The following GULP1 variants were observed in gnomAD, a reference collection of about 807,000 sequenced individuals.
GULP1 encodes PTB domain-containing engulfment adapter protein 1.
Under a neutral mutation model 40.9 loss-of-function variants are expected in GULP1, and 19 were observed. That is an observed-to-expected ratio of 0.46 (90% confidence interval 0.32 to 0.68). GULP1 has a LOEUF of 0.68. Ranked by LOEUF, GULP1 falls within the 30% of genes least tolerant of loss-of-function variation. GULP1 has a pLI of 0.03. For missense variants in GULP1, 312 were observed against 362.2 expected (o/e 0.86, Z 1.12); for synonymous variants, 119 against 117.6 (o/e 1.01, Z -0.08).
intron 1 of GULP1, among the ~76,000 whole-genome samples, chr2:188,352,401 A>G (rs1293077069): frequency 6.6e-6 from 1 of 152,052 alleles, no homozygotes; most frequent in Non-Finnish European, 1.5e-5. Flanking sequence ...TCTTGAGCCT[A>G]TAGGATTTTC....
At chr2:188,342,065 G>A (rs2043044921) in intron 1 of GULP1, among the ~76,000 whole-genome samples, 1 of 152,078 alleles carries the variant, frequency 6.6e-6, no homozygotes, top group South Asian at 2.1e-4. Context: ...GAAGTAGAAA[G>A]AACATAAACA....
intron 2 of GULP1, among the ~76,000 whole-genome samples, chr2:188,408,487 T>C (rs1317492238): frequency 2.0e-5 from 3 of 152,134 alleles, no homozygotes; most frequent in African/African-American, 7.2e-5. Context: ...TAAGTATATA[T>C]GTACCAAACA....
chr2:188,467,668 A>G (rs1434954058), intron 2 of GULP1, among the ~76,000 whole-genome samples: 2 of 152,064 alleles, frequency 1.3e-5, no homozygotes, highest in East Asian at 3.8e-4. Flanking sequence ...AATATTTTCC[A>G]TGTGGTTCAC....
intron 2 of GULP1, among the ~76,000 whole-genome samples, chr2:188,390,047 C>T (rs1305845379): frequency 6.6e-6 from 1 of 151,888 alleles, no homozygotes; most frequent in African/African-American, 2.4e-5. Flanking sequence ...TAAGTTGCTT[C>T]CATATCTTTG....
chr2:188,589,662 C>A, intron 11 of GULP1: 1 of 660,000 alleles, frequency 1.5e-6, no homozygotes, highest in Non-Finnish European at 2.5e-6. Flanking sequence ...AATGTTAAAC[C>A]GTGGTGTTTT....
intron 2 of GULP1, among the ~76,000 whole-genome samples, chr2:188,411,897 C>G (rs2053942648): frequency 6.6e-6 from 1 of 152,142 alleles, no homozygotes; most frequent in East Asian, 1.9e-4. Flanking sequence ...CTGCAGCTGT[C>G]CATTTTGGGG....
intron 2 of GULP1, among the ~76,000 whole-genome samples, chr2:188,468,507 G>A (rs1235340507): frequency 6.6e-6 from 1 of 152,094 alleles, no homozygotes; most frequent in African/African-American, 2.4e-5. Flanking sequence ...CTATAGATAT[G>A]TACTTGATAC....
intron 2 of GULP1, among the ~76,000 whole-genome samples, chr2:188,403,453 A>G (rs2052603557): frequency 6.6e-6 from 1 of 152,210 alleles, no homozygotes; most frequent in African/African-American, 2.4e-5. Context: ...ATCCCCTTTT[A>G]TAATTTAAAC....
rs534610323 is a variant in GULP1, at chr2:188,466,714, TAA to T, written c.-44-10944_-44-10943del. On this transcript the variant is annotated intron_variant, in intron 2 of 11. Coordinates refer to ENST00000409830, the MANE Select transcript of GULP1 (RefSeq NM_016315.4). ...CATAATGTGTGAGCTGGTTACTTTA[TAA>T]GTCATGTCTCTATTCCTACCCTACC... 2.5e-3 allele frequency: 374 copies of T among 152,242 alleles called. 3 individuals carry two copies. The highest frequency in any genetic ancestry group is 8.5e-3 in the African/African-American group (355 of 41,534). 9.4% of individuals were successfully genotyped at this position (152,242 alleles called of 1,614,324 possible). A position where few individuals can be genotyped will look rare whatever the true frequency, so the allele number is the denominator to read the frequency against.
At chr2:188,332,018 A>G (rs918224391) in intron 1 of GULP1, among the ~76,000 whole-genome samples, 1 of 152,124 alleles carries the variant, frequency 6.6e-6, no homozygotes, top group Non-Finnish European at 1.5e-5. Flanking sequence ...ACAGAGATGT[A>G]GCTCATACGG....
chr2:188,434,981 A>G (rs2057270718), intron 2 of GULP1, among the ~76,000 whole-genome samples: 1 of 152,154 alleles, frequency 6.6e-6, no homozygotes, highest in Admixed American at 6.5e-5. Context: ...ACTTTCTAAG[A>G]TTTTAAACAA....
chr2:188,570,150 G>A (rs771729850), intron 9 of GULP1, 30 bp downstream of exon 9: 3 of 879,988 alleles, frequency 3.4e-6, no homozygotes. Flanking sequence ...TTAGAAACAA[G>A]ATTTTATGGT....
At chr2:188,536,179 G>T (rs1198737405) in intron 6 of GULP1, among the ~76,000 whole-genome samples, 1 of 152,020 alleles carries the variant, frequency 6.6e-6, no homozygotes, top group Non-Finnish European at 1.5e-5. Flanking sequence ...TTCTTTTGCT[G>T]TGCAGATGCT....
chr2:188,527,648 C>T (rs1378992220), intron 5 of GULP1, among the ~76,000 whole-genome samples: 2 of 152,036 alleles, frequency 1.3e-5, no homozygotes, highest in Non-Finnish European at 2.9e-5. Flanking sequence ...AAATAGCAAC[C>T]TAAGTTCGTA....
At chr2:188,404,367 A>G (rs1206170443) in intron 2 of GULP1, among the ~76,000 whole-genome samples, 2 of 152,162 alleles carry the variant, frequency 1.3e-5, no homozygotes, top group African/African-American at 4.8e-5. Flanking sequence ...AGTTAAAAGG[A>G]CAGACACTCT....
At chr2:188,483,966 C>T (rs2061643825) in intron 4 of GULP1, among the ~76,000 whole-genome samples, 1 of 151,902 alleles carries the variant, frequency 6.6e-6, no homozygotes, top group Admixed American at 6.6e-5. Context: ...CTCTGTAGGC[C>T]AGGCTGGAGT....
At chr2:188,444,267 G>A (rs1272671619) in intron 2 of GULP1, among the ~76,000 whole-genome samples, 3 of 152,118 alleles carry the variant, frequency 2.0e-5, no homozygotes, top group Non-Finnish European at 2.9e-5. Flanking sequence ...AAATGTGGAT[G>A]TAAAGTGTTC....
intron 2 of GULP1, among the ~76,000 whole-genome samples, chr2:188,460,664 C>G (rs1340156355): frequency 6.6e-6 from 1 of 152,152 alleles, no homozygotes; most frequent in East Asian, 1.9e-4. Flanking sequence ...TCTGATTTCT[C>G]CAGCTAGGAC....
intron 2 of GULP1, among the ~76,000 whole-genome samples, chr2:188,464,664 C>T (rs2059972003): frequency 6.6e-6 from 1 of 152,144 alleles, no homozygotes; most frequent in South Asian, 2.1e-4. Context: ...AGTCAGAAAC[C>T]TTAGAAGTCC....
Sources: allele counts gnomAD v4.1 joint callset (sites outside exome capture counted in the v4.1 genomes callset), GRCh38; gene constraint gnomAD v4.1.1; transcripts MANE v1.5; gene names NCBI Gene and HGNC (gene_info 2026-07-23, HGNC 2026-07-21).